SDK1: variants seen among roughly 807,000 people sequenced by gnomAD.
SDK1 encodes the protein sidekick cell adhesion molecule 1, also known as protein sidekick-1.
SDK1 carries 157 observed loss-of-function variants against 245.5 expected under a neutral mutation model. The ratio of observed to expected loss-of-function variants is 0.64; its 90% CI spans 0.56 to 0.73. SDK1 has a LOEUF of 0.73. SDK1 is among the 30% of genes least tolerant of loss of function. The probability of loss-of-function intolerance (pLI) is 0.00; values close to 1 mark genes in which losing one functional copy is unlikely to be tolerated. For synonymous variants in SDK1, 1,647 were observed against 1,278.5 expected (o/e 1.29, Z -6.15); for missense variants, 3,583 against 3,002.3 (o/e 1.19, Z -4.52).
chr7:4,177,762 A>C (rs1467933057), intron 34 of SDK1, among the ~76,000 whole-genome samples: 1 of 152,224 alleles, frequency 6.6e-6, no homozygotes, highest in Non-Finnish European at 1.5e-5. Context: ...TTCCATTATT[A>C]GTACATCATA....
chr7:3,973,557 G>A (rs955713704), intron 12 of SDK1, among the ~76,000 whole-genome samples: 1 of 152,024 alleles, frequency 6.6e-6, no homozygotes, highest in African/African-American at 2.4e-5. Flanking sequence ...TTAAGAAAGT[G>A]TGTTTTTGAA....
chr7:3,893,059 G>A (rs1199572904), intron 5 of SDK1, among the ~76,000 whole-genome samples: 1 of 152,196 alleles, frequency 6.6e-6, no homozygotes, highest in Non-Finnish European at 1.5e-5. Context: ...TTTACCAGGT[G>A]TGGGTCCATC....
At chr7:4,208,735 G>A (rs1298588804) in intron 37 of SDK1, among the ~76,000 whole-genome samples, 1 of 152,204 alleles carries the variant, frequency 6.6e-6, no homozygotes, top group Non-Finnish European at 1.5e-5. Context: ...CTGGGTCTCA[G>A]GGCCACAGAC....
chr7:4,001,337 C>T (rs1037426380), intron 14 of SDK1, among the ~76,000 whole-genome samples: 1 of 152,232 alleles, frequency 6.6e-6, no homozygotes, highest in Non-Finnish European at 1.5e-5. Context: ...CATTTCCAAC[C>T]TCCTGCCCCT....
chr7:3,382,276 C>A (rs1358917258), intron 1 of SDK1, among the ~76,000 whole-genome samples: 1 of 151,808 alleles, frequency 6.6e-6, no homozygotes, highest in Non-Finnish European at 1.5e-5. Context: ...CACCCTTTAT[C>A]CCCATTTTAA....
intron 1 of SDK1, among the ~76,000 whole-genome samples, chr7:3,382,492 C>G (rs1781513051): frequency 6.6e-6 from 1 of 152,174 alleles, no homozygotes; most frequent in Non-Finnish European, 1.5e-5. Flanking sequence ...AATACACTTC[C>G]TCACCTCAAT....
chr7:4,073,479 G>A (rs1254171245), intron 20 of SDK1, among the ~76,000 whole-genome samples: 5 of 152,226 alleles, frequency 3.3e-5, no homozygotes, highest in Non-Finnish European at 1.5e-5. Context: ...TCCTGAAGAT[G>A]CTGGAATTGC....
chr7:3,406,332 A>G (rs1779054267), intron 1 of SDK1, among the ~76,000 whole-genome samples: 1 of 152,192 alleles, frequency 6.6e-6, no homozygotes, highest in African/African-American at 2.4e-5. Flanking sequence ...GATAGCCCAG[A>G]CAATATAAAT....
chr7:4,235,036 T>C (rs1469759997), intron 41 of SDK1, among the ~76,000 whole-genome samples: 1 of 152,176 alleles, frequency 6.6e-6, no homozygotes, highest in Non-Finnish European at 1.5e-5. Context: ...GCTATGAGTT[T>C]GGAGGAACGA....
Position 4,149,433 on chromosome 7 carries a change from G to C in SDK1, c.4595G>C (p.Ser1532Thr). Residue 1532 changes from serine to threonine, a missense_variant, in exon 30 of 45, where the codon AGC becomes ACC. By Grantham distance (58) the Ser-to-Thr change is moderately conservative. Coordinates refer to ENST00000404826, the MANE Select transcript of SDK1 (RefSeq NM_152744.4). ...GEWQTYSSSI[S>T]HEATACVVDR... The stretch of plus-strand genomic sequence containing the variant: ...TGGCAGACCTACTCCTCGTCCATCA[G>C]CCATGAGGCGACAGCATGCGTCGTT... 1.3e-6 allele frequency: 2 copies of C among 1,563,912 alleles called. No homozygotes were observed. Among genetic ancestry groups the C allele is most frequent in the South Asian group, 2.4e-5 (2 of 83,248 alleles).
chr7:3,750,970 G>A (rs1426071269), intron 4 of SDK1, among the ~76,000 whole-genome samples: 3 of 152,182 alleles, frequency 2.0e-5, no homozygotes, highest in Non-Finnish European at 4.4e-5. Flanking sequence ...CCTCCCTGCG[G>A]GTGCAGAATC....
intron 1 of SDK1, among the ~76,000 whole-genome samples, chr7:3,579,632 C>G (rs1035281099): frequency 4.7e-4 from 71 of 152,314 alleles, no homozygotes; most frequent in African/African-American, 1.7e-3. Context: ...GATGCCCTCT[C>G]TCACCAATCC....
chr7:3,905,007 A>AAATAAT (rs1554279224), intron 5 of SDK1, among the ~76,000 whole-genome samples: 9 of 143,544 alleles, frequency 6.3e-5, no homozygotes, highest in African/African-American at 1.0e-4. Context: ...AAAAAAAAAA[A>AAATAAT]AATAATAATA....
intron 4 of SDK1, among the ~76,000 whole-genome samples, chr7:3,725,581 G>T (rs1208600595): frequency 6.6e-6 from 1 of 151,976 alleles, no homozygotes; most frequent in Admixed American, 6.6e-5. Context: ...CCACTCTTTG[G>T]CGCTCTACTT....
In SDK1 at chr7:4,268,246, A is replaced by G. The variant is rs951081866; in HGVS notation, c.*2862A>G. 2.8e-5 allele frequency: 28 copies of G among 998,148 alleles called. No individual in the cohort carries two copies. The highest frequency in any genetic ancestry group is 2.6e-5 in the Non-Finnish European group (22 of 837,714). 61.8% of individuals were successfully genotyped at this position (998,148 alleles called of 1,614,324 possible). A position where few individuals can be genotyped will look rare whatever the true frequency, so the allele number is the denominator to read the frequency against. On this transcript the variant is annotated 3_prime_UTR_variant, in exon 45 of 45. Coordinates refer to ENST00000404826, the MANE Select transcript of SDK1 (RefSeq NM_152744.4). Reference sequence around the variant, plus strand: ...GCAAGGATGTGGTCACGGAGTGGCCAGGAGGCTCCGTCTGAGCCACAGGGA... The same window carrying G: ...GCAAGGATGTGGTCACGGAGTGGCCGGGAGGCTCCGTCTGAGCCACAGGGA...
intron 22 of SDK1, among the ~76,000 whole-genome samples, chr7:4,087,682 A>G (rs945891023): frequency 7.9e-5 from 12 of 152,228 alleles, no homozygotes; most frequent in Non-Finnish European, 7.3e-5. Context: ...AAAAGGCAGG[A>G]AAATGAGGGG....
At chr7:3,473,400 T>C (rs1005389621) in intron 1 of SDK1, among the ~76,000 whole-genome samples, 3 of 152,260 alleles carry the variant, frequency 2.0e-5, no homozygotes, top group African/African-American at 7.2e-5. Flanking sequence ...AAATACTTTA[T>C]AGATTTACTT....
chr7:4,001,003 A>T (rs1034908076), intron 14 of SDK1, among the ~76,000 whole-genome samples: 2 of 152,156 alleles, frequency 1.3e-5, no homozygotes, highest in Admixed American at 6.5e-5. Context: ...GCCCTCACCA[A>T]GACGAGATGG....
intron 22 of SDK1, among the ~76,000 whole-genome samples, chr7:4,107,098 G>A (rs1435914804): frequency 4.8e-5 from 6 of 124,948 alleles, no homozygotes; most frequent in Admixed American, 2.0e-4. Flanking sequence ...TCAGGCAGCC[G>A]AATACACACA....
Sources: allele counts gnomAD v4.1 joint callset (sites outside exome capture counted in the v4.1 genomes callset), GRCh38; gene constraint gnomAD v4.1.1; transcripts MANE v1.5; gene names NCBI Gene and HGNC (gene_info 2026-07-23, HGNC 2026-07-21).